The following TOM1L2 variants were observed in gnomAD, a reference collection of about 807,000 sequenced individuals.
TOM1L2 encodes the protein TOM1-like protein 2.
A neutral mutation model predicts 67.9 loss-of-function variants in TOM1L2; 31 were observed. The ratio of observed to expected loss-of-function variants is 0.46; its 90% confidence interval spans 0.34 to 0.62. The LOEUF (loss-of-function observed/expected upper bound fraction) is 0.62, where lower values mean the gene tolerates loss of function less well. TOM1L2 is among the 20% of genes least tolerant of loss of function. The probability of loss-of-function intolerance (pLI) is 0.01; values close to 1 mark genes in which losing one functional copy is unlikely to be tolerated. For synonymous variants in TOM1L2, 256 were observed against 254.0 expected, an observed-to-expected ratio of 1.01 and a Z score of -0.07; for missense variants, 606 against 663.5, an observed-to-expected ratio of 0.91 and a Z score of 0.95.
In TOM1L2 at chr17:17,847,399, G is replaced by C. The variant is rs2035700750; in HGVS notation, c.*236C>G. 1 of 575,536 alleles carries C rather than the reference G, an allele frequency of 1.7e-6. No homozygotes were observed. The highest frequency in any genetic ancestry group is 3.0e-6 in the Non-Finnish European group (1 of 332,148). 35.7% of individuals were successfully genotyped at this position (575,536 alleles called of 1,614,324 possible). On this transcript the variant is annotated 3_prime_UTR_variant, in exon 15 of 15. Coordinates refer to ENST00000379504, the MANE Select transcript of TOM1L2 (RefSeq NM_001082968.2). ...TCCTGGGAGGAAACATGGGCAGAGG[G>C]GCCCATGGTGGGAGGGGAGAGAGTC...
chr17:17,871,109 G>A (rs541033363), intron 7 of TOM1L2, among the ~76,000 whole-genome samples: 5 of 152,330 alleles, frequency 3.3e-5, no homozygotes, highest in African/African-American at 1.2e-4. Context: ...GGTGGCTCAC[G>A]CCTGTAATCC....
At chr17:17,953,287 TATAA>T (rs941420903) in intron 1 of TOM1L2, among the ~76,000 whole-genome samples, 3 of 151,990 alleles carry the variant, frequency 2.0e-5, no homozygotes, top group Non-Finnish European at 4.4e-5. Context: ...CTCAAAAAAA[TATAA>T]ATAAATAAAG....
rs1464848754 is a variant in TOM1L2, at chr17:17,847,791, A to G, written c.1376-8T>C. The G allele has an allele frequency of 2.2e-5, 35 of 1,613,808 alleles. No homozygotes were observed. The highest frequency in any genetic ancestry group is 3.0e-5 in the Non-Finnish European group (35 of 1,179,948). ...CAAGGAATTTATCAAACTCTGCAAT[A>G]CAAACCAAGGCAAGGGTCAGGGTTG... On this transcript the variant is annotated splice_region_variant and splice_polypyrimidine_tract_variant and intron_variant, in intron 14 of 14. Transcript: ENST00000379504.
intron 1 of TOM1L2, among the ~76,000 whole-genome samples, chr17:17,919,685 G>A (rs943638786): frequency 2.6e-5 from 4 of 152,158 alleles, no homozygotes; most frequent in Admixed American, 2.6e-4. Flanking sequence ...AGTTCCCTAT[G>A]GGCAGTTTCT....
chr17:17,924,708 C>T (rs976875817), intron 1 of TOM1L2, among the ~76,000 whole-genome samples: 8 of 152,122 alleles, frequency 5.3e-5, no homozygotes, highest in Non-Finnish European at 8.8e-5. Context: ...GAGGCTGCAG[C>T]GAACCGTGAT....
At chr17:17,972,136 A>G (rs2042129447) in intron 1 of TOM1L2, 126 bp downstream of exon 1, 2 of 1,197,122 alleles carry the variant, frequency 1.7e-6, no homozygotes, top group Non-Finnish European at 1.2e-6. Context: ...GTGGAGTGGC[A>G]CCCGCGGCTG....
At chr17:17,927,863 CTA>C (rs1395492050) in intron 1 of TOM1L2, among the ~76,000 whole-genome samples, 1 of 152,074 alleles carries the variant, frequency 6.6e-6, no homozygotes, top group Admixed American at 6.6e-5. Flanking sequence ...CAGGGTTTCA[CTA>C]TGTTACCCAG....
At chr17:17,901,885 G>A (rs1224667907) in intron 2 of TOM1L2, among the ~76,000 whole-genome samples, 1 of 148,228 alleles carries the variant, frequency 6.7e-6, no homozygotes, top group Non-Finnish European at 1.5e-5. Flanking sequence ...CTGGAAAACA[G>A]AGTCTAAAAC....
At chr17:17,970,765 G>A (rs1341406951) in intron 1 of TOM1L2, among the ~76,000 whole-genome samples, 1 of 151,454 alleles carries the variant, frequency 6.6e-6, no homozygotes, top group East Asian at 1.9e-4. Context: ...TCCACTAAAG[G>A]CTGGAAAGTA....
chr17:17,949,730 A>G (rs920747309), intron 1 of TOM1L2, among the ~76,000 whole-genome samples: 1 of 152,256 alleles, frequency 6.6e-6, no homozygotes, highest in Non-Finnish European at 1.5e-5. Flanking sequence ...AAAGGTGCAC[A>G]GTCCAGTGGC....
chr17:17,884,843 G>C, intron 4 of TOM1L2, 75 bp from the exon 5 acceptor site: 3 of 1,589,906 alleles, frequency 1.9e-6, no homozygotes, highest in Non-Finnish European at 2.6e-6. Flanking sequence ...AGTGGCCCAC[G>C]TCCTCTCCCC....
chr17:17,867,155 G>A (rs2036896729), intron 8 of TOM1L2, among the ~76,000 whole-genome samples: 1 of 152,136 alleles, frequency 6.6e-6, no homozygotes, highest in South Asian at 2.1e-4. Context: ...GAAAGGGGTG[G>A]TGGCTGGCCC....
At chr17:17,919,151 C>T (rs2039749626) in intron 1 of TOM1L2, among the ~76,000 whole-genome samples, 1 of 152,192 alleles carries the variant, frequency 6.6e-6, no homozygotes, top group Non-Finnish European at 1.5e-5. Context: ...CCTCTCCAAG[C>T]CTTTTGGACT....
chr17:17,901,390 G>C (rs74995486), intron 2 of TOM1L2, among the ~76,000 whole-genome samples: 5 of 152,182 alleles, frequency 3.3e-5, no homozygotes, highest in Admixed American at 2.0e-4. Flanking sequence ...AGCTTTCAGG[G>C]GAAAGGTCAG....
chr17:17,892,949 G>C (rs1028652164), intron 4 of TOM1L2, among the ~76,000 whole-genome samples: 5 of 152,190 alleles, frequency 3.3e-5, no homozygotes, highest in African/African-American at 1.2e-4. Context: ...TCCAGCTATA[G>C]TCGAGCCTTC....
intron 1 of TOM1L2, among the ~76,000 whole-genome samples, chr17:17,923,106 C>T (rs1038347620): frequency 7.2e-5 from 11 of 152,188 alleles, no homozygotes; most frequent in Non-Finnish European, 1.6e-4. Flanking sequence ...CTCATTAAAG[C>T]CACAGTGTTG....
chr17:17,869,308 GAAAAAA>G, intron 8 of TOM1L2, 26 bp downstream of exon 8: 3 of 1,516,724 alleles, frequency 2.0e-6, no homozygotes, highest in Non-Finnish European at 1.8e-6. Flanking sequence ...CTTTTCAAGG[GAAAAAA>G]AAAAAAAAAG....
At chr17:17,950,368 G>A (rs1053389497) in intron 1 of TOM1L2, among the ~76,000 whole-genome samples, 4 of 151,334 alleles carry the variant, frequency 2.6e-5, no homozygotes, top group Non-Finnish European at 5.9e-5. Flanking sequence ...CAAGTTGGCC[G>A]CGCTTGTCTC....
At chr17:17,876,404 T>C (rs2037424073) in intron 7 of TOM1L2, among the ~76,000 whole-genome samples, 1 of 152,214 alleles carries the variant, frequency 6.6e-6, no homozygotes, top group Admixed American at 6.5e-5. Flanking sequence ...TGCTGCCAAA[T>C]GCCACATTTG....
Sources: gnomAD v4.1 joint callset for allele counts (sites outside exome capture counted in the v4.1 genomes callset) on GRCh38, gnomAD v4.1.1 for gene constraint, MANE v1.5 for transcripts, NCBI Gene and HGNC (gene_info 2026-07-23, HGNC 2026-07-21) for gene names.